Variants in CADM1 observed in about 807,000 individuals in gnomAD.
CADM1 encodes the protein cell adhesion molecule 1, also known as TSLC-1.
CADM1 carries 15 observed loss-of-function variants against 53.1 expected under a neutral mutation model. The ratio of observed to expected loss-of-function variants is 0.28; its 90% confidence interval spans 0.19 to 0.44. The LOEUF is 0.44. CADM1 is among the 20% of genes least tolerant of loss of function. The pLI is 1.00. For synonymous variants in CADM1, 281 were observed against 243.0 expected (o/e 1.16, Z -1.45); for missense variants, 434 against 611.3 (o/e 0.71, Z 3.06).
chr11:115,363,243 C>G (rs1246758410), intron 1 of CADM1, among the ~76,000 whole-genome samples: 1 of 152,136 alleles, frequency 6.6e-6, no homozygotes, highest in African/African-American at 2.4e-5. Flanking sequence ...CATTCAAGCA[C>G]CAGTGACCTT....
intron 1 of CADM1, among the ~76,000 whole-genome samples, chr11:115,295,550 A>ATATATATATG: frequency 1.9e-5 from 1 of 52,998 alleles, no homozygotes; most frequent in Non-Finnish European, 3.0e-5. Context: ...ATATATATAT[A>ATATATATATG]ATATATATGT....
At chr11:115,240,454 T>C (rs756272462) in intron 1 of CADM1, 34 bp from the exon 2 acceptor site, 16 of 1,610,756 alleles carry the variant, frequency 9.9e-6, no homozygotes, top group Non-Finnish European at 1.2e-5. Context: ...CAGAGGAAAA[T>C]TTCCATCAAT....
intron 1 of CADM1, among the ~76,000 whole-genome samples, chr11:115,391,450 G>GTTAT (rs773780655): frequency 2.6e-4 from 40 of 152,134 alleles, no homozygotes; most frequent in South Asian, 4.1e-4. Context: ...AACTGCAATG[G>GTTAT]TTATGCCAGA....
chr11:115,302,141 G>A (rs1306183176), intron 1 of CADM1, among the ~76,000 whole-genome samples: 1 of 151,872 alleles, frequency 6.6e-6, no homozygotes, highest in African/African-American at 2.4e-5. Flanking sequence ...ACACACACCG[G>A]GGCCTATTGG....
intron 1 of CADM1, among the ~76,000 whole-genome samples, chr11:115,486,718 C>T (rs1446162846): frequency 6.6e-6 from 1 of 152,222 alleles, no homozygotes; most frequent in Non-Finnish European, 1.5e-5. Flanking sequence ...CTAATCCCAT[C>T]TCTCACTAGC....
In CADM1 at chr11:115,225,494, C is replaced by T. The variant is rs148240337; in HGVS notation, c.721+3619G>A. Among the ~76,000 whole-genome samples, 321 of 152,262 alleles carry T rather than the reference C, an allele frequency of 2.1e-3. 1 individual carries two copies. The highest frequency in any genetic ancestry group is 7.5e-3 in the African/African-American group (311 of 41,552). On this transcript the variant is annotated intron_variant, in intron 5 of 11. Transcript: ENST00000331581. ...AACTTAAGGATTATTAAAAGTATGA[C>T]AGCATACACATCTGGCTGATTTTTC...
At chr11:115,316,585 C>T (rs915297563) in intron 1 of CADM1, among the ~76,000 whole-genome samples, 2 of 152,058 alleles carry the variant, frequency 1.3e-5, no homozygotes, top group African/African-American at 4.8e-5. Context: ...ACACAAGCAG[C>T]AATAAATTCA....
chr11:115,331,598 CAAAAAT>C (rs1945129566), intron 1 of CADM1, among the ~76,000 whole-genome samples: 1 of 151,912 alleles, frequency 6.6e-6, no homozygotes, highest in African/African-American at 2.4e-5. Flanking sequence ...AAACAACTGA[CAAAAAT>C]AAAATAAATA....
chr11:115,348,523 T>C (rs1487262367), intron 1 of CADM1, among the ~76,000 whole-genome samples: 1 of 152,204 alleles, frequency 6.6e-6, no homozygotes, highest in Non-Finnish European at 1.5e-5. Context: ...TCTTGGGTTA[T>C]GACCACTTGA....
At chr11:115,307,740 A>C (rs1324493275) in intron 1 of CADM1, among the ~76,000 whole-genome samples, 1 of 151,870 alleles carries the variant, frequency 6.6e-6, no homozygotes, top group Non-Finnish European at 1.5e-5. Flanking sequence ...ATTTTAAGAG[A>C]GGATTACCTT....
intron 1 of CADM1, among the ~76,000 whole-genome samples, chr11:115,488,440 A>C (rs1454989135): frequency 6.6e-6 from 1 of 152,164 alleles, no homozygotes; most frequent in Non-Finnish European, 1.5e-5. Context: ...TGACAGTGAG[A>C]AAAAGGGCTT....
intron 1 of CADM1, among the ~76,000 whole-genome samples, chr11:115,438,503 T>C (rs1220809419): frequency 6.6e-6 from 1 of 151,714 alleles, no homozygotes. Context: ...GTCAGAGCTG[T>C]TCACAGAGCT....
chr11:115,460,192 C>T (rs1013237396), intron 1 of CADM1, among the ~76,000 whole-genome samples: 6 of 152,014 alleles, frequency 3.9e-5, no homozygotes, highest in South Asian at 2.1e-4. Flanking sequence ...CAATTGCTGC[C>T]GCACAGCTAG....
chr11:115,265,881 C>T (rs551138959), intron 1 of CADM1, among the ~76,000 whole-genome samples: 8 of 152,270 alleles, frequency 5.3e-5, no homozygotes, highest in Non-Finnish European at 8.8e-5. Context: ...TAATTGGTAA[C>T]CATGTAGCTC....
At chr11:115,271,817 A>T (rs1404474772) in intron 1 of CADM1, among the ~76,000 whole-genome samples, 1 of 152,174 alleles carries the variant, frequency 6.6e-6, no homozygotes, top group Non-Finnish European at 1.5e-5. Flanking sequence ...TAAACACTAC[A>T]TGTGCTTGTT....
Position 115,172,002 on chromosome 11 carries a change from A to C in CADM1, c.*4472T>G, listed in dbSNP as rs1053895068. On this transcript the variant is annotated 3_prime_UTR_variant, in exon 12 of 12. Transcript: ENST00000331581. ...TCCTGTGACTGACATGTAATGAACAAGTAGTGTGTGTCTGGCACCTTTTTG... is the reference window on the plus strand; with the variant it reads ...TCCTGTGACTGACATGTAATGAACACGTAGTGTGTGTCTGGCACCTTTTTG... 2.6e-5 allele frequency: 4 copies of C among 152,260 alleles called. No homozygotes were observed. Among genetic ancestry groups the C allele is most frequent in the African/African-American group, 9.6e-5 (4 of 41,454 alleles). The allele number at this position is 152,260 out of a possible 1,614,324, so 9.4% of individuals were successfully genotyped here.
At chr11:115,236,579 T>C (rs1018989570) in intron 3 of CADM1, among the ~76,000 whole-genome samples, 15 of 152,176 alleles carry the variant, frequency 9.9e-5, no homozygotes, top group Non-Finnish European at 2.1e-4. Flanking sequence ...AAAATTCTAG[T>C]GCTGGCACAC....
intron 1 of CADM1, among the ~76,000 whole-genome samples, chr11:115,466,578 G>A (rs770717770): frequency 1.1e-4 from 17 of 152,156 alleles, no homozygotes; most frequent in Admixed American, 2.6e-4. Context: ...TGTTTAGCAC[G>A]TGTCTTCAGA....
chr11:115,501,901 C>A (rs896627339), intron 1 of CADM1, among the ~76,000 whole-genome samples: 2 of 152,172 alleles, frequency 1.3e-5, no homozygotes, highest in African/African-American at 2.4e-5. Context: ...AAACTCACCA[C>A]GAAATATATA....
Sources: allele counts gnomAD v4.1 joint callset (sites outside exome capture counted in the v4.1 genomes callset), GRCh38; gene constraint gnomAD v4.1.1; transcripts MANE v1.5; gene names NCBI Gene and HGNC (gene_info 2026-07-23, HGNC 2026-07-21).